Variants in FRYL observed in about 807,000 individuals in gnomAD.
FRYL encodes protein furry homolog-like.
In FRYL, 150 loss-of-function variants were observed where a neutral mutation model predicts 351.2. The observed-to-expected ratio is 0.43, with a 90% CI of 0.37 to 0.49. FRYL has a LOEUF of 0.49. FRYL is among the 20% of genes least tolerant of loss of function. The pLI, the probability that FRYL is intolerant of heterozygous loss-of-function variation, is 0.00. For missense variants in FRYL, 3,036 were observed against 3,619.3 expected (o/e 0.84, Z 4.13); for synonymous variants, 1,153 against 1,257.1 (o/e 0.92, Z 1.75).
chr4:48,566,644 A>T (rs1189248382), intron 28 of FRYL, among the ~76,000 whole-genome samples: 1 of 152,234 alleles, frequency 6.6e-6, no homozygotes, highest in East Asian at 1.9e-4. Flanking sequence ...TATACTATTC[A>T]AAATAACAAT....
At chr4:48,509,201 C>G (rs540853497) in intron 59 of FRYL, among the ~76,000 whole-genome samples, 1 of 152,154 alleles carries the variant, frequency 6.6e-6, no homozygotes, top group East Asian at 1.9e-4. Flanking sequence ...GAATAATCTT[C>G]GCAATACATA....
intron 1 of FRYL, among the ~76,000 whole-genome samples, chr4:48,768,740 T>G (rs1169242384): frequency 6.6e-6 from 1 of 152,062 alleles, no homozygotes; most frequent in African/African-American, 2.4e-5. Flanking sequence ...GAGGTGGATG[T>G]TGAGTGCGCC....
At chr4:48,642,993 A>C (rs1047807115) in intron 3 of FRYL, among the ~76,000 whole-genome samples, 1 of 152,178 alleles carries the variant, frequency 6.6e-6, no homozygotes, top group African/African-American at 2.4e-5. Context: ...ATGTGTAAGA[A>C]GCAACAAGAA....
intron 1 of FRYL, among the ~76,000 whole-genome samples, chr4:48,765,911 A>T (rs1219166447): frequency 1.3e-5 from 2 of 152,228 alleles, no homozygotes; most frequent in Non-Finnish European, 2.9e-5. Context: ...ATCACTAAAC[A>T]TCAGGGAAAT....
intron 1 of FRYL, among the ~76,000 whole-genome samples, chr4:48,726,341 G>A (rs1770081030): frequency 6.6e-6 from 1 of 152,222 alleles, no homozygotes; most frequent in East Asian, 1.9e-4. Context: ...ACACAGTCAT[G>A]TGACTTCTGT....
chr4:48,632,371 C>T (rs573416053), intron 4 of FRYL, among the ~76,000 whole-genome samples: 1 of 149,784 alleles, frequency 6.7e-6, no homozygotes, highest in African/African-American at 2.4e-5. Flanking sequence ...GAGTTGTTCC[C>T]TTACTGTATG....
At chr4:48,770,301 A>C (rs1028361977) in intron 1 of FRYL, among the ~76,000 whole-genome samples, 4 of 152,214 alleles carry the variant, frequency 2.6e-5, no homozygotes, top group African/African-American at 7.2e-5. Flanking sequence ...GATGATATTC[A>C]ATCACATTTT....
intron 1 of FRYL, among the ~76,000 whole-genome samples, chr4:48,757,028 T>C (rs143251681): frequency 6.6e-6 from 1 of 152,248 alleles, no homozygotes; most frequent in African/African-American, 2.4e-5. Context: ...TGGTGACTAA[T>C]AGGGAAAGCA....
At chr4:48,711,622 C>T (rs1768052585) in intron 1 of FRYL, among the ~76,000 whole-genome samples, 3 of 152,282 alleles carry the variant, frequency 2.0e-5, no homozygotes, top group South Asian at 4.1e-4. Flanking sequence ...CTGTAGACTC[C>T]ACCTCTGGGG....
intron 1 of FRYL, among the ~76,000 whole-genome samples, chr4:48,736,014 T>G (rs1029683877): frequency 6.1e-5 from 9 of 148,462 alleles, no homozygotes; most frequent in Admixed American, 1.3e-4. Flanking sequence ...ATACACAATA[T>G]CTGCTCTCAG....
intron 3 of FRYL, among the ~76,000 whole-genome samples, chr4:48,636,652 C>CCAAA (rs1281524832): frequency 6.6e-5 from 10 of 151,716 alleles, no homozygotes; most frequent in African/African-American, 2.4e-5. Flanking sequence ...GCCTATAAAG[C>CCAAA]CAAAAGTTTT....
chr4:48,576,078 A>C lies in FRYL; in HGVS notation c.2673T>G (p.Pro891=). 1 of 1,613,740 alleles carries C rather than the reference A, an allele frequency of 6.2e-7. No homozygotes were observed. The highest frequency in any genetic ancestry group is 8.5e-7 in the Non-Finnish European group (1 of 1,179,818). ...TSAGSVRCSP[P]ETLASTPDSG... is the part of the protein sequence containing the mutation. Reference sequence around the variant, plus strand: ...TATCTGGGGTAGACGCCAGCGTCTCAGGAGGAGAACATCTCACAGAACCTG... The same window carrying C: ...TATCTGGGGTAGACGCCAGCGTCTCCGGAGGAGAACATCTCACAGAACCTG... Residue 891 remains proline (P), a synonymous_variant, in exon 24 of 64, where the codon CCT becomes CCG. Transcript: ENST00000358350.
chr4:48,660,299 G>A (rs1760433976), intron 3 of FRYL, among the ~76,000 whole-genome samples: 1 of 152,160 alleles, frequency 6.6e-6, no homozygotes, highest in Non-Finnish European at 1.5e-5. Flanking sequence ...TATGGGAAAG[G>A]AGTTAACCTA....
chr4:48,701,097 A>G (rs1766667782), intron 2 of FRYL, among the ~76,000 whole-genome samples: 2 of 152,228 alleles, frequency 1.3e-5, no homozygotes, highest in South Asian at 4.1e-4. Flanking sequence ...AAACTGTTAA[A>G]TGTGACTTTA....
At chr4:48,505,825 T>C (rs1270632815) in intron 59 of FRYL, 1 of 479,740 alleles carries the variant, frequency 2.1e-6, no homozygotes, top group African/African-American at 2.0e-5. Context: ...CACACACTTG[T>C]GACAGCTATA....
rs763215919 is a variant in FRYL at position 48,550,516 on chromosome 4, A to G, written c.4633+76T>C. The stretch of plus-strand genomic sequence containing the variant: ...TTTAAAAACAATTTACTGAAAATAT[A>G]TATTTATTAACATTAATGTAATTAA... On this transcript the variant is annotated intron_variant, in intron 38 of 63. Coordinates refer to ENST00000358350, the MANE Select transcript of FRYL (RefSeq NM_015030.2). 1.5e-5 allele frequency: 13 copies of G among 870,086 alleles called. No individual in the cohort carries two copies. The East Asian group carries it at 1.9e-4, about 12-fold the overall frequency. The allele number at this position is 870,086 out of a possible 1,614,324, so 53.9% of individuals were successfully genotyped here.
At position 48,499,694 on chromosome 4, in the gene FRYL, A is replaced by G. The variant is rs1313167702; in HGVS notation, c.8784-14T>C. The G allele has an allele frequency of 1.2e-6, 2 of 1,610,096 alleles. No individual in the cohort carries two copies. Among genetic ancestry groups the G allele is most frequent in the African/African-American group, 1.3e-5 (1 of 74,738 alleles). On this transcript the variant is annotated splice_polypyrimidine_tract_variant and intron_variant, in intron 63 of 63. Coordinates refer to ENST00000358350, the MANE Select transcript of FRYL (RefSeq NM_015030.2). The stretch of plus-strand genomic sequence containing the variant: ...GGCCAGAGAGATCTGAAAATACACA[A>G]TAGTTTTTCAGTTCTGAGACTTAGG...
intron 3 of FRYL, among the ~76,000 whole-genome samples, chr4:48,677,219 C>T (rs931188675): frequency 1.3e-5 from 2 of 152,146 alleles, no homozygotes; most frequent in Non-Finnish European, 2.9e-5. Flanking sequence ...TCATTCCCTT[C>T]AAATTACACA....
chr4:48,689,425 A>G (rs866505372), intron 2 of FRYL, among the ~76,000 whole-genome samples: 52 of 152,212 alleles, frequency 3.4e-4, no homozygotes, highest in African/African-American at 1.3e-3. Flanking sequence ...TTATCATATA[A>G]ATCTTTCCAT....
Sources: gnomAD v4.1 joint callset for allele counts (sites outside exome capture counted in the v4.1 genomes callset) on GRCh38, gnomAD v4.1.1 for gene constraint, MANE v1.5 for transcripts, NCBI Gene and HGNC (gene_info 2026-07-23, HGNC 2026-07-21) for gene names.